Variants in STRBP observed in about 807,000 individuals in gnomAD.
STRBP encodes spermatid perinuclear RNA binding protein.
A neutral mutation model predicts 80.1 loss-of-function variants in STRBP; 13 were observed. That is an observed-to-expected ratio of 0.16 (90% CI 0.11 to 0.26). The LOEUF (loss-of-function observed/expected upper bound fraction) is 0.26. STRBP is among the 10% of genes least tolerant of loss of function. STRBP has a pLI of 1.00. For synonymous variants in STRBP, 284 were observed against 291.2 expected, an observed-to-expected ratio of 0.98 and a Z score of 0.25; for missense variants, 485 against 815.2, an observed-to-expected ratio of 0.59 and a Z score of 4.93.
chr9:123,211,504 A>G (rs77278746), intron 2 of STRBP, among the ~76,000 whole-genome samples: 2,395 of 152,182 alleles, frequency 0.016, 36 homozygotes, highest in South Asian at 0.07. Flanking sequence ...TTTTTCCCCA[A>G]TGGTGGATAA....
chr9:123,262,250 A>C (rs2041174324), intron 1 of STRBP, among the ~76,000 whole-genome samples: 1 of 152,180 alleles, frequency 6.6e-6, no homozygotes, highest in African/African-American at 2.4e-5. Flanking sequence ...AACTGGCAAA[A>C]CGGGCTTAAT....
intron 2 of STRBP, among the ~76,000 whole-genome samples, chr9:123,209,075 G>A (rs1249304302): frequency 6.6e-6 from 1 of 152,148 alleles, no homozygotes; most frequent in Non-Finnish European, 1.5e-5. Context: ...ACAATCCTGT[G>A]CAGCCTGTTG....
intron 4 of STRBP, among the ~76,000 whole-genome samples, chr9:123,176,581 G>A (rs112509250): frequency 2.0e-5 from 3 of 152,164 alleles, no homozygotes; most frequent in African/African-American, 7.2e-5. Context: ...GAGACTGGTA[G>A]ATTTGCTGCA....
intron 1 of STRBP, among the ~76,000 whole-genome samples, chr9:123,248,563 C>A (rs753479688): frequency 3.2e-4 from 48 of 152,054 alleles, no homozygotes; most frequent in Non-Finnish European, 6.5e-4. Context: ...AGCCACCGCG[C>A]CCAGCCGAAT....
intron 5 of STRBP, among the ~76,000 whole-genome samples, chr9:123,171,578 GTA>G (rs1588039011): frequency 6.6e-6 from 1 of 152,262 alleles, no homozygotes; most frequent in East Asian, 1.9e-4. Context: ...GCACACATGT[GTA>G]TATATGTGGG....
chr9:123,233,223 C>A (rs1253771916), intron 2 of STRBP, among the ~76,000 whole-genome samples: 1 of 152,126 alleles, frequency 6.6e-6, no homozygotes, highest in African/African-American at 2.4e-5. Context: ...CAGGCGCATA[C>A]CACCACATCT....
At chr9:123,247,337 G>C (rs537264907) in intron 1 of STRBP, among the ~76,000 whole-genome samples, 1 of 151,904 alleles carries the variant, frequency 6.6e-6, no homozygotes, top group Non-Finnish European at 1.5e-5. Context: ...CCACAATCTC[G>C]GCTGACTGCA....
At position 123,194,688 on chromosome 9, in the gene STRBP, G is replaced by T. The variant is rs192002171; in HGVS notation, c.-164-10390C>A. The stretch of plus-strand genomic sequence containing the variant: ...GCTCCATCAAAACAGCTCTTGTCAA[G>T]GTCCCCTAGGATTTCCATGGTATTT... On this transcript the variant is annotated intron_variant, in intron 2 of 18. Transcript: ENST00000348403. 2.3e-3 allele frequency among the ~76,000 whole-genome samples: 351 copies of T among 152,008 alleles called. 1 individual carries two copies. The highest frequency in any genetic ancestry group is 5.8e-3 in the South Asian group (28 of 4,804).
chr9:123,157,872 A>C (rs1036142563), intron 11 of STRBP, 140 bp downstream of exon 11: 1 of 670,528 alleles, frequency 1.5e-6, no homozygotes, highest in Non-Finnish European at 2.6e-6. Context: ...CAGCCAACCT[A>C]TATCAGTCAG....
At chr9:123,262,869 C>T (rs2041187625) in intron 1 of STRBP, among the ~76,000 whole-genome samples, 1 of 152,158 alleles carries the variant, frequency 6.6e-6, no homozygotes, top group South Asian at 2.1e-4. Context: ...AATGCAAGAA[C>T]TAAAAGCTAT....
At chr9:123,184,473 T>C (rs1428514745) in intron 2 of STRBP, among the ~76,000 whole-genome samples, 175 bp from the exon 3 acceptor site, 3 of 152,182 alleles carry the variant, frequency 2.0e-5, no homozygotes, top group Non-Finnish European at 4.4e-5. Context: ...CCCAGGAGCC[T>C]AGGTGATATG....
Position 123,123,821 on chromosome 9 carries a change from T to C in STRBP, c.*1776A>G. The C allele has an allele frequency of 2.0e-6, 2 of 985,438 alleles. No homozygotes were observed. The highest frequency in any genetic ancestry group is 2.4e-6 in the Non-Finnish European group (2 of 829,926). 61.0% of individuals were successfully genotyped at this position (985,438 alleles called of 1,614,324 possible). A position where few individuals can be genotyped will look rare whatever the true frequency, so the allele number is the denominator to read the frequency against. The stretch of plus-strand genomic sequence containing the variant: ...AATAAAAACTGGACACTATCAGCCA[T>C]GCTTTTTCTTCTCAGTGATGGCTCT... On this transcript the variant is annotated 3_prime_UTR_variant, in exon 19 of 19. Transcript: ENST00000348403.
At chr9:123,167,243 T>C (rs2037808547) in intron 6 of STRBP, among the ~76,000 whole-genome samples, 1 of 151,658 alleles carries the variant, frequency 6.6e-6, no homozygotes. Context: ...AAAGTTGAGA[T>C]ACTACAGGAA....
intron 2 of STRBP, chr9:123,213,716 G>C (rs954565825): frequency 6.6e-6 from 1 of 152,294 alleles, no homozygotes; most frequent in Non-Finnish European, 1.5e-5. Context: ...CCTGAGGTCA[G>C]GAGTTCGAGA....
At chr9:123,266,628 C>G (rs879334323) in intron 1 of STRBP, among the ~76,000 whole-genome samples, 1 of 152,000 alleles carries the variant, frequency 6.6e-6, no homozygotes, top group African/African-American at 2.4e-5. Flanking sequence ...CTTCCATACT[C>G]TCTTAAGCAA....
intron 16 of STRBP, chr9:123,135,770 G>C: frequency 8.4e-6 from 2 of 237,392 alleles, no homozygotes; most frequent in South Asian, 1.5e-4. Context: ...CATCAAGAAT[G>C]ACCTCAACCC....
chr9:123,205,554 T>C lies in STRBP; in HGVS notation c.-164-21256A>G, dbSNP rs74931160. On this transcript the variant is annotated intron_variant, in intron 2 of 18. Coordinates refer to ENST00000348403, the MANE Select transcript of STRBP (RefSeq NM_018387.5). ...CAGTAATGTTAACAAATTACCAATT[T>C]TGAAACAAGCAAAAATAATAATATT... 4.1e-3 allele frequency among the ~76,000 whole-genome samples: 621 copies of C among 152,278 alleles called. 20 individuals are homozygous for C. The East Asian group carries it at 0.046, about 11-fold the overall frequency.
At chr9:123,116,800 C>T (rs906985861), downstream of STRBP, among the ~76,000 whole-genome samples, 5 of 152,182 alleles carry the variant, frequency 3.3e-5, no homozygotes, top group Non-Finnish European at 5.9e-5. Flanking sequence ...CGCCACTCAC[C>T]GCACTATAAT....
chr9:123,203,781 G>A (rs943921210), intron 2 of STRBP, among the ~76,000 whole-genome samples: 2 of 152,144 alleles, frequency 1.3e-5, no homozygotes, highest in African/African-American at 4.8e-5. Flanking sequence ...TGACCAGCCT[G>A]ACCAATATGG....
Sources: allele counts gnomAD v4.1 joint callset (sites outside exome capture counted in the v4.1 genomes callset), GRCh38; gene constraint gnomAD v4.1.1; transcripts MANE v1.5; gene names NCBI Gene and HGNC (gene_info 2026-07-23, HGNC 2026-07-21).